SGCZ: variants seen among roughly 807,000 people sequenced by gnomAD.
SGCZ encodes zeta-sarcoglycan.
A neutral mutation model predicts 41.3 loss-of-function variants in SGCZ; 40 were observed. That is an observed-to-expected ratio of 0.97 (90% CI 0.75 to 1.26). The LOEUF (loss-of-function observed/expected upper bound fraction) is 1.26. SGCZ is among the 50% of genes most tolerant of loss of function. The probability of loss-of-function intolerance (pLI) is 0.00; values close to 1 mark genes in which losing one functional copy is unlikely to be tolerated. For synonymous variants in SGCZ, 206 were observed against 137.5 expected, an observed-to-expected ratio of 1.50 and a Z score of -3.49; for missense variants, 552 against 369.8, an observed-to-expected ratio of 1.49 and a Z score of -4.04.
chr8:14,202,969 G>A (rs1020538841), intron 4 of SGCZ, among the ~76,000 whole-genome samples: 21 of 152,226 alleles, frequency 1.4e-4, no homozygotes, highest in African/African-American at 4.6e-4. Context: ...TGGTGTTCTC[G>A]TGATAGTAAA....
At chr8:14,330,457 G>C (rs1802275440) in intron 2 of SGCZ, among the ~76,000 whole-genome samples, 1 of 151,772 alleles carries the variant, frequency 6.6e-6, no homozygotes, top group South Asian at 2.1e-4. Context: ...ACAAAGTAGA[G>C]GATTATTTGT....
chr8:15,236,422 G>A (rs893754788), intron 1 of SGCZ, among the ~76,000 whole-genome samples: 1 of 151,382 alleles, frequency 6.6e-6, no homozygotes, highest in South Asian at 2.1e-4. Context: ...ACCTCTATTC[G>A]TCGTTTCTCC....
Position 14,771,606 on chromosome 8 carries a change from TG to T in SGCZ, c.40-216681del, listed in dbSNP as rs1431058545. 2.6e-5 allele frequency among the ~76,000 whole-genome samples: 4 copies of T among 152,254 alleles called. No homozygotes were observed. The South Asian group carries it at 8.3e-4, about 32-fold the overall frequency. On this transcript the variant is annotated intron_variant, in intron 1 of 7. Transcript: ENST00000382080. ...GGTATATATATTTAAAATAATGCAT[TG>T]TACAACATAATTAGGTAACAATATA... is the stretch of plus-strand genomic sequence containing the variant.
intron 1 of SGCZ, among the ~76,000 whole-genome samples, chr8:15,199,579 C>T (rs544725859): frequency 8.5e-5 from 13 of 152,100 alleles, no homozygotes; most frequent in Admixed American, 2.6e-4. Flanking sequence ...CGTCCATTTA[C>T]GGTTAGAAAG....
chr8:14,367,823 A>T (rs1301084414), intron 2 of SGCZ, among the ~76,000 whole-genome samples: 1 of 152,066 alleles, frequency 6.6e-6, no homozygotes, highest in Non-Finnish European at 1.5e-5. Context: ...CACACTAATC[A>T]TGTCATTCCC....
intron 1 of SGCZ, among the ~76,000 whole-genome samples, chr8:14,785,028 C>G (rs922977000): frequency 5.0e-5 from 7 of 139,678 alleles, no homozygotes; most frequent in African/African-American, 1.3e-4. Flanking sequence ...AAAATCTGAT[C>G]AAGAAAAAGG....
At chr8:15,195,714 T>C (rs913384107) in intron 1 of SGCZ, among the ~76,000 whole-genome samples, 3 of 152,162 alleles carry the variant, frequency 2.0e-5, no homozygotes, top group Non-Finnish European at 2.9e-5. Flanking sequence ...TGTTCAAGTA[T>C]AATACTCGGT....
intron 4 of SGCZ, among the ~76,000 whole-genome samples, chr8:14,173,435 T>C (rs1321239922): frequency 6.8e-6 from 1 of 146,446 alleles, no homozygotes; most frequent in Non-Finnish European, 1.5e-5. Flanking sequence ...GAAAATGAAA[T>C]GCATAGGGCT....
chr8:14,731,304 A>G (rs1036875971), intron 1 of SGCZ, among the ~76,000 whole-genome samples: 41 of 149,386 alleles, frequency 2.7e-4, no homozygotes, highest in African/African-American at 1.0e-3. Flanking sequence ...CAAACACCAC[A>G]TGTTCCCACT....
chr8:14,814,229 G>A (rs7007236), intron 1 of SGCZ, among the ~76,000 whole-genome samples: 15,198 of 152,026 alleles, frequency 0.1, 1,183 homozygotes, highest in East Asian at 0.24. Context: ...CCATATTTGC[G>A]TTATTTTAAA....
chr8:14,401,911 A>G (rs1362897846), intron 2 of SGCZ, among the ~76,000 whole-genome samples: 31 of 150,628 alleles, frequency 2.1e-4, no homozygotes, highest in Non-Finnish European at 3.2e-4. Flanking sequence ...CCAACAGTGT[A>G]AAAGTGTTCC....
chr8:14,309,136 GA>G, intron 3 of SGCZ: 1 of 1,464,060 alleles, frequency 6.8e-7, no homozygotes, highest in Non-Finnish European at 9.5e-7. Context: ...ATCCCCTACA[GA>G]ACAGATGGGC....
intron 1 of SGCZ, among the ~76,000 whole-genome samples, chr8:14,826,878 G>A (rs959666822): frequency 6.6e-6 from 1 of 152,068 alleles, no homozygotes; most frequent in East Asian, 1.9e-4. Context: ...CTCCCATTCT[G>A]TAGGCTGCCT....
chr8:14,690,449 G>C (rs1037548663), intron 1 of SGCZ: 12 of 152,248 alleles, frequency 7.9e-5, no homozygotes, highest in African/African-American at 2.9e-4. Context: ...AGGATGATGA[G>C]ATGCTGTTGA....
chr8:15,099,222 T>C (rs1052831811), intron 1 of SGCZ, among the ~76,000 whole-genome samples: 3 of 152,088 alleles, frequency 2.0e-5, no homozygotes, highest in African/African-American at 7.2e-5. Flanking sequence ...CCTTGTGTCT[T>C]CAATAATAAG....
chr8:14,206,857 T>C (rs1805632451), intron 4 of SGCZ, among the ~76,000 whole-genome samples: 1 of 152,128 alleles, frequency 6.6e-6, no homozygotes, highest in South Asian at 2.1e-4. Context: ...TCCCTAAGTT[T>C]GTTTTGTGTC....
At chr8:14,975,807 ATATGTG>A (rs60774046) in intron 1 of SGCZ, among the ~76,000 whole-genome samples, 3,816 of 112,286 alleles carry the variant, frequency 0.034, 137 homozygotes, top group African/African-American at 0.1. Context: ...ATATATATAT[ATATGTG>A]TGTGTGTGTG....
chr8:15,060,709 C>A (rs1339983320), intron 1 of SGCZ, among the ~76,000 whole-genome samples: 2 of 149,692 alleles, frequency 1.3e-5, no homozygotes, highest in African/African-American at 4.9e-5. Flanking sequence ...GGAAAAAGAG[C>A]AAGCTTGTAT....
chr8:15,154,126 C>G (rs1368048916), intron 1 of SGCZ, among the ~76,000 whole-genome samples: 1 of 152,176 alleles, frequency 6.6e-6, no homozygotes, highest in Non-Finnish European at 1.5e-5. Context: ...CGGTTCCTAA[C>G]AGGCCATGAA....
Sources: allele counts gnomAD v4.1 joint callset (sites outside exome capture counted in the v4.1 genomes callset), GRCh38; gene constraint gnomAD v4.1.1; transcripts MANE v1.5; gene names NCBI Gene and HGNC (gene_info 2026-07-23, HGNC 2026-07-21).